ANKFY1: variants seen among roughly 807,000 people sequenced by gnomAD.
ANKFY1 encodes ankyrin repeat and FYVE domain-containing protein 1.
A neutral mutation model predicts 128.3 loss-of-function variants in ANKFY1; 47 were observed. The observed-to-expected ratio is 0.37, with a 90% CI of 0.29 to 0.47. The LOEUF (loss-of-function observed/expected upper bound fraction) is 0.47, where lower values mean the gene tolerates loss of function less well. ANKFY1 is among the 20% of genes least tolerant of loss of function. The probability of loss-of-function intolerance (pLI) is 1.00; values close to 1 mark genes in which losing one functional copy is unlikely to be tolerated. For synonymous variants in ANKFY1, 553 were observed against 601.6 expected, an observed-to-expected ratio of 0.92 and a Z score of 1.18; for missense variants, 1,222 against 1,510.6, an observed-to-expected ratio of 0.81 and a Z score of 3.17.
rs369335091 is a variant in ANKFY1, at chr17:4,175,428, G to A, written c.2776-1372C>T. On this transcript the variant is annotated intron_variant, in intron 19 of 24. Transcript: ENST00000341657. ...AGGGACCTTTACATAATACCTATTC[G>A]TTTAGTATTTGAAGTTCGTCATCCT... Among the ~76,000 whole-genome samples, 27 of 152,210 alleles carry A rather than the reference G, an allele frequency of 1.8e-4. No homozygotes were observed. In the East Asian group the frequency reaches 3.1e-3, roughly 17 times the overall value.
At chr17:4,255,088 T>C (rs1191037131) in intron 1 of ANKFY1, among the ~76,000 whole-genome samples, 1 of 152,054 alleles carries the variant, frequency 6.6e-6, no homozygotes, top group South Asian at 2.1e-4. Context: ...CTATAGTAAA[T>C]GCACTCTACT....
At chr17:4,262,650 G>C (rs1968484677) in intron 1 of ANKFY1, among the ~76,000 whole-genome samples, 1 of 151,890 alleles carries the variant, frequency 6.6e-6, no homozygotes, top group Non-Finnish European at 1.5e-5. Flanking sequence ...AGGAGGCTGA[G>C]GCAGAAGGAT....
At chr17:4,245,092 G>C (rs1567975029) in intron 1 of ANKFY1, among the ~76,000 whole-genome samples, 2 of 152,080 alleles carry the variant, frequency 1.3e-5, no homozygotes, top group African/African-American at 2.4e-5. Context: ...TTGCACTGTT[G>C]TCCATCCCTT....
At chr17:4,261,905 T>A (rs1013091200) in intron 1 of ANKFY1, among the ~76,000 whole-genome samples, 5 of 152,254 alleles carry the variant, frequency 3.3e-5, no homozygotes, top group Non-Finnish European at 5.9e-5. Context: ...CAACATTCCG[T>A]GATTTACTCA....
At chr17:4,180,760 C>CAA (rs11392631) in intron 16 of ANKFY1, among the ~76,000 whole-genome samples, 684 of 57,574 alleles carry the variant, frequency 0.012, 8 homozygotes, top group African/African-American at 0.019. Context: ...GACTCTGTCT[C>CAA]AAAAAAAAAA....
At chr17:4,263,378 C>A (rs1203241260) in intron 1 of ANKFY1, among the ~76,000 whole-genome samples, 1 of 152,188 alleles carries the variant, frequency 6.6e-6, no homozygotes, top group Non-Finnish European at 1.5e-5. Context: ...TTCATCTGTA[C>A]GCCTGGCCTG....
At chr17:4,246,590 T>G (rs1410442751) in intron 1 of ANKFY1, among the ~76,000 whole-genome samples, 1 of 152,162 alleles carries the variant, frequency 6.6e-6, no homozygotes, top group Non-Finnish European at 1.5e-5. Context: ...CCCCCAAGTT[T>G]CCACAGTGGT....
chr17:4,180,107 C>T, intron 16 of ANKFY1: 2 of 566,268 alleles, frequency 3.5e-6, no homozygotes, highest in South Asian at 2.2e-5. Flanking sequence ...TTGTTAGAAA[C>T]TTCCCAGGGG....
At chr17:4,262,356 G>A (rs1266676707) in intron 1 of ANKFY1, among the ~76,000 whole-genome samples, 1 of 152,132 alleles carries the variant, frequency 6.6e-6, no homozygotes, top group Non-Finnish European at 1.5e-5. Flanking sequence ...CCGTTTTCCG[G>A]GTTCAAGCGA....
intron 3 of ANKFY1, among the ~76,000 whole-genome samples, chr17:4,228,254 G>T (rs1274387846): frequency 6.6e-6 from 1 of 152,122 alleles, no homozygotes; most frequent in East Asian, 1.9e-4. Context: ...AGACAAAAGG[G>T]ACTCTATGCT....
chr17:4,246,965 G>C (rs749487587), intron 1 of ANKFY1, among the ~76,000 whole-genome samples: 1 of 151,844 alleles, frequency 6.6e-6, no homozygotes, highest in African/African-American at 2.4e-5. Flanking sequence ...ATACAAAAAT[G>C]AGCCAGGGGT....
chr17:4,244,727 C>T (rs1358556470), intron 1 of ANKFY1, among the ~76,000 whole-genome samples: 1 of 152,054 alleles, frequency 6.6e-6, no homozygotes, highest in African/African-American at 2.4e-5. Context: ...TATCTCCTTC[C>T]TACCCAAGTT....
intron 1 of ANKFY1, among the ~76,000 whole-genome samples, chr17:4,260,140 G>A (rs1968332086): frequency 6.6e-6 from 1 of 152,214 alleles, no homozygotes; most frequent in Admixed American, 6.5e-5. Flanking sequence ...TAAGATTACG[G>A]AGAAGTGTGA....
At chr17:4,184,444 C>T (rs920665372) in intron 12 of ANKFY1, among the ~76,000 whole-genome samples, 2 of 152,198 alleles carry the variant, frequency 1.3e-5, no homozygotes, top group African/African-American at 4.8e-5. Context: ...AGGGGCTGCC[C>T]CTGGCCCCTC....
intron 10 of ANKFY1, among the ~76,000 whole-genome samples, chr17:4,190,162 C>G (rs2059692002): frequency 6.6e-6 from 1 of 152,160 alleles, no homozygotes; most frequent in East Asian, 1.9e-4. Flanking sequence ...TAGATGTTGG[C>G]CAGTGTGGTG....
chr17:4,179,001 G>T lies in ANKFY1; in HGVS notation c.2454C>A (p.Ile818=), dbSNP rs2059460205. ...HVAISSQHGV[I]IQLLVSHPDI... ...CGGGGTGAGAAACCAACAGCTGAAT[G>T]ATGACACCGTGTTGGCTGCTGATGG... Residue 818 remains isoleucine, a synonymous_variant, in exon 18 of 25, where the codon ATC becomes ATA. Transcript: ENST00000341657. The T allele has an allele frequency of 1.2e-6, 2 of 1,614,208 alleles. No individual in the cohort carries two copies. Among genetic ancestry groups the T allele is most frequent in the Non-Finnish European group, 1.7e-6 (2 of 1,180,034 alleles).
intron 11 of ANKFY1, chr17:4,187,047 G>A (rs1275251394): frequency 8.2e-7 from 1 of 1,222,304 alleles, no homozygotes; most frequent in Admixed American, 4.2e-5. Context: ...GTGGTTTCTG[G>A]TTCCACGGAT....
rs771974714 is a variant in ANKFY1, at chr17:4,167,919, A to C, written c.3378-8T>G. 6.2e-7 allele frequency: 1 copy of C among 1,612,012 alleles called. No individual in the cohort carries two copies. Among genetic ancestry groups the C allele is most frequent in the Non-Finnish European group, 8.5e-7 (1 of 1,178,942 alleles). On this transcript the variant is annotated splice_polypyrimidine_tract_variant and splice_region_variant and intron_variant, in intron 24 of 24. Transcript: ENST00000341657. The surrounding 1 kb of genome is among the most constrained non-coding windows in gnomAD (Gnocchi z 4.1). ...AGACGTCCGCAGTGACGACTGTGGA[A>C]GCAAAGAAAGGAAGTATGAGAGGAG...
chr17:4,249,916 A>G (rs555094087), intron 1 of ANKFY1, among the ~76,000 whole-genome samples: 31 of 152,156 alleles, frequency 2.0e-4, no homozygotes, highest in African/African-American at 7.0e-4. Context: ...ACATCACTCT[A>G]CTAAATAGTC....
Sources: allele counts gnomAD v4.1 joint callset (sites outside exome capture counted in the v4.1 genomes callset), GRCh38; gene constraint gnomAD v4.1.1; non-coding constraint Gnocchi (gnomAD v3.1); transcripts MANE v1.5; gene names NCBI Gene and HGNC (gene_info 2026-07-23, HGNC 2026-07-21).